The following NUBPL variants were observed in gnomAD, a reference collection of about 807,000 sequenced individuals.
The protein encoded by NUBPL is NUBP iron-sulfur cluster assembly factor, mitochondrial, also known as iron-sulfur cluster transfer protein NUBPL.
Under a neutral mutation model 45.7 loss-of-function variants are expected in NUBPL, and 31 were observed. The observed-to-expected ratio is 0.68, with a 90% CI of 0.51 to 0.92. The LOEUF (loss-of-function observed/expected upper bound fraction) is 0.92. Among genes scored for constraint, NUBPL ranks in the 40% least tolerant of loss-of-function variants. The probability of loss-of-function intolerance (pLI) is 0.00; values close to 1 mark genes in which losing one functional copy is unlikely to be tolerated. For missense variants in NUBPL, 401 were observed against 398.7 expected (o/e 1.01, Z -0.05); for synonymous variants, 144 against 140.9 (o/e 1.02, Z -0.15).
intron 3 of NUBPL, among the ~76,000 whole-genome samples, chr14:31,568,893 T>G (rs2033507651): frequency 6.6e-6 from 1 of 152,214 alleles, no homozygotes; most frequent in South Asian, 2.1e-4. Flanking sequence ...TGGGGAGATT[T>G]GCAAGACAGT....
intron 4 of NUBPL, among the ~76,000 whole-genome samples, chr14:31,637,671 C>T (rs1232892805): frequency 1.3e-5 from 2 of 152,136 alleles, no homozygotes; most frequent in African/African-American, 4.8e-5. Flanking sequence ...ATTGATCTGT[C>T]TAATGTTGAC....
intron 4 of NUBPL, among the ~76,000 whole-genome samples, chr14:31,601,248 G>C (rs1438754364): frequency 6.6e-6 from 1 of 152,020 alleles, no homozygotes; most frequent in African/African-American, 2.4e-5. Flanking sequence ...CTCTTTTTTG[G>C]TTCCATATGA....
At chr14:31,824,962 C>A (rs2040073884) in intron 7 of NUBPL, among the ~76,000 whole-genome samples, 1 of 152,130 alleles carries the variant, frequency 6.6e-6, no homozygotes, top group Non-Finnish European at 1.5e-5. Flanking sequence ...TTCACGGATT[C>A]AGCCAATCTT....
intron 8 of NUBPL, among the ~76,000 whole-genome samples, chr14:31,837,211 C>T (rs2040295317): frequency 6.6e-6 from 1 of 152,088 alleles, no homozygotes; most frequent in African/African-American, 2.4e-5. Flanking sequence ...GTCTCAGCTA[C>T]TTAGGAGGCT....
chr14:31,783,450 G>A (rs12893119), intron 6 of NUBPL, among the ~76,000 whole-genome samples: 2 of 151,526 alleles, frequency 1.3e-5, no homozygotes, highest in African/African-American at 4.9e-5. Context: ...TCAATTCAGA[G>A]TCATTTGAAA....
chr14:31,841,917 C>CTTTTTTTTT lies in NUBPL; in HGVS notation c.694-4531_694-4523dup, dbSNP rs547795007. Among the ~76,000 whole-genome samples, 271 of 42,746 alleles carry CTTTTTTTTT rather than the reference C, an allele frequency of 6.3e-3. 8 individuals carry two copies. Among genetic ancestry groups the CTTTTTTTTT allele is most frequent in the East Asian group, 0.011 (13 of 1,224 alleles). The allele number at this position is 42,746 out of a possible 152,430, so 28.0% of individuals were successfully genotyped here. On this transcript the variant is annotated intron_variant, in intron 8 of 10. Transcript: ENST00000281081. ...CTTTCATGTATGGGTCGATTCTGGG[C>CTTTTTTTTT]TTTTTTTTTTTTTTTTTTTTTTTTT...
At chr14:31,648,198 A>T (rs1291492317) in intron 4 of NUBPL, among the ~76,000 whole-genome samples, 1 of 152,264 alleles carries the variant, frequency 6.6e-6, no homozygotes, top group Non-Finnish European at 1.5e-5. Flanking sequence ...ATTTAGTGGA[A>T]TCTGACTATG....
intron 4 of NUBPL, chr14:31,653,982 G>C (rs974835985): frequency 1.2e-5 from 5 of 406,512 alleles, no homozygotes; most frequent in Non-Finnish European, 2.6e-5. Context: ...CTCTCCTATT[G>C]ACTTTGTATT....
chr14:31,822,709 A>T (rs2040037865), intron 7 of NUBPL, among the ~76,000 whole-genome samples: 2 of 152,024 alleles, frequency 1.3e-5, no homozygotes, highest in Non-Finnish European at 2.9e-5. Context: ...GACAAAAAAA[A>T]TTTTACACCA....
At chr14:31,603,865 G>C (rs1052590815) in intron 4 of NUBPL, among the ~76,000 whole-genome samples, 2 of 152,100 alleles carry the variant, frequency 1.3e-5, no homozygotes, top group Non-Finnish European at 1.5e-5. Flanking sequence ...ATGAGCCAAG[G>C]TGTCAAGCTT....
At chr14:31,750,983 A>G (rs776382482) in intron 6 of NUBPL, among the ~76,000 whole-genome samples, 27 of 152,272 alleles carry the variant, frequency 1.8e-4, no homozygotes, top group Non-Finnish European at 3.1e-4. Flanking sequence ...GTGGCAGGAG[A>G]GAGAGAGAGA....
chr14:31,621,017 C>T (rs1315533580), intron 4 of NUBPL, among the ~76,000 whole-genome samples: 1 of 152,190 alleles, frequency 6.6e-6, no homozygotes, highest in Non-Finnish European at 1.5e-5. Context: ...TATGGCCGCA[C>T]CAGCATTGCT....
chr14:31,826,919 C>T (rs2040115420), intron 8 of NUBPL, among the ~76,000 whole-genome samples: 1 of 152,176 alleles, frequency 6.6e-6, no homozygotes. Context: ...AATTGTAAAA[C>T]ACCCTTTAGG....
chr14:31,740,141 A>G (rs2038252200), intron 6 of NUBPL, among the ~76,000 whole-genome samples: 1 of 152,226 alleles, frequency 6.6e-6, no homozygotes, highest in Admixed American at 6.5e-5. Flanking sequence ...CTGTGTGGAT[A>G]TAAGTTTTCA....
chr14:31,836,479 A>G (rs2040283337), intron 8 of NUBPL, among the ~76,000 whole-genome samples: 2 of 152,230 alleles, frequency 1.3e-5, no homozygotes, highest in Admixed American at 6.5e-5. Context: ...TTAACAGTAT[A>G]TGAAGTATTC....
At chr14:31,771,857 G>A (rs2039015091) in intron 6 of NUBPL, 1 of 985,230 alleles carries the variant, frequency 1.0e-6, no homozygotes, top group Non-Finnish European at 1.2e-6. Context: ...AAATTAGGAT[G>A]TGACCACAGA....
chr14:31,809,011 C>T (rs1329325489), intron 7 of NUBPL, among the ~76,000 whole-genome samples: 2 of 152,106 alleles, frequency 1.3e-5, no homozygotes, highest in Non-Finnish European at 2.9e-5. Context: ...CTGCTGGATT[C>T]GGTTTGCCAG....
intron 4 of NUBPL, among the ~76,000 whole-genome samples, chr14:31,652,872 T>C (rs2036044397): frequency 6.6e-6 from 1 of 152,170 alleles, no homozygotes; most frequent in Non-Finnish European, 1.5e-5. Context: ...ATAGGTTCTT[T>C]CTATTTTCCC....
chr14:31,718,652 C>T (rs1457264073), intron 6 of NUBPL, among the ~76,000 whole-genome samples: 1 of 152,100 alleles, frequency 6.6e-6, no homozygotes, highest in Non-Finnish European at 1.5e-5. Flanking sequence ...TTATTCAGAT[C>T]CAGGATGTAT....
Sources: allele counts gnomAD v4.1 joint callset (sites outside exome capture counted in the v4.1 genomes callset), GRCh38; gene constraint gnomAD v4.1.1; transcripts MANE v1.5; gene names NCBI Gene and HGNC (gene_info 2026-07-23, HGNC 2026-07-21).